The following TTLL7 variants were observed in gnomAD, a reference collection of about 807,000 sequenced individuals.
The protein encoded by TTLL7 is tubulin polyglutamylase TTLL7.
In TTLL7, 53 loss-of-function variants were observed where a neutral mutation model predicts 120.2. That is an observed-to-expected ratio of 0.44 (90% CI 0.35 to 0.55). The LOEUF is 0.55. Ranked by LOEUF, TTLL7 falls within the 20% of genes least tolerant of loss-of-function variation. TTLL7 has a pLI of 0.00. For synonymous variants in TTLL7, 353 were observed against 351.7 expected (o/e 1.00, Z -0.04); for missense variants, 803 against 1,054.7 (o/e 0.76, Z 3.31).
intron 1 of TTLL7, among the ~76,000 whole-genome samples, chr1:83,987,666 C>T (rs924346226): frequency 2.0e-5 from 3 of 152,118 alleles, no homozygotes; most frequent in Non-Finnish European, 2.9e-5. Context: ...AAATGCTACA[C>T]AAGCAACAAA....
chr1:83,942,480 G>C lies in TTLL7; in HGVS notation c.706C>G (p.Pro236Ala), dbSNP rs1359729833. Residue 236 changes from proline to alanine, a missense_variant, in exon 7 of 21, where the codon CCT becomes GCT. Pro to Ala is a conservative substitution (Grantham distance 27). Around this residue, in one of 3 missense-constraint regions of TTLL7, gnomAD observed 324 missense variants for 507.7 expected, o/e 0.64. Coordinates refer to ENST00000260505, the MANE Select transcript of TTLL7 (RefSeq NM_024686.6). Reference protein sequence around the residue: ...VRMGTEKYIPPNESNLTQLYM... With the variant: ...VRMGTEKYIPANESNLTQLYM... The stretch of plus-strand genomic sequence containing the variant: ...TCACTTACCAAATTGGACTCATTAG[G>C]TGGAATGTACTTCTCTGTACCCATT... 1 of 1,613,672 alleles carries C rather than the reference G, an allele frequency of 6.2e-7. No individual in the cohort carries two copies. Among genetic ancestry groups the C allele is most frequent in the Admixed American group, 1.7e-5 (1 of 60,010 alleles).
In TTLL7 at chr1:83,901,598, C is replaced by G. The variant is rs187514332; in HGVS notation, c.2208+2481G>C. On this transcript the variant is annotated intron_variant, in intron 18 of 20. Transcript: ENST00000260505. ...AATTCCATATTTCCATTAATCGAAG[C>G]CAAAGTCAGCGACTTGAAAACATAT... 1.0e-3 allele frequency among the ~76,000 whole-genome samples: 155 copies of G among 152,024 alleles called. 1 individual carries two copies. The highest frequency in any genetic ancestry group is 1.4e-3 in the Admixed American group (21 of 15,244).
At chr1:83,951,376 G>C (rs1196514797) in intron 3 of TTLL7, among the ~76,000 whole-genome samples, 1 of 151,838 alleles carries the variant, frequency 6.6e-6, no homozygotes, top group Non-Finnish European at 1.5e-5. Flanking sequence ...AATGTAATGT[G>C]TTACTTAAAT....
intron 9 of TTLL7, among the ~76,000 whole-genome samples, chr1:83,932,441 T>G (rs1035363616): frequency 1.3e-5 from 2 of 152,136 alleles, no homozygotes; most frequent in Non-Finnish European, 2.9e-5. Flanking sequence ...TAAAACTTCC[T>G]CACATTTATC....
intron 1 of TTLL7, among the ~76,000 whole-genome samples, chr1:83,986,588 T>C (rs1362116543): frequency 1.3e-5 from 2 of 152,224 alleles, no homozygotes; most frequent in Non-Finnish European, 2.9e-5. Context: ...CTCACGCCTG[T>C]AATCCCAGCT....
chr1:83,924,441 T>A (rs1434198976), intron 10 of TTLL7, among the ~76,000 whole-genome samples: 1 of 152,180 alleles, frequency 6.6e-6, no homozygotes, highest in African/African-American at 2.4e-5. Context: ...GAAAACATTA[T>A]CCCAGTTACT....
At chr1:83,983,068 A>G (rs533401320) in intron 1 of TTLL7, among the ~76,000 whole-genome samples, 43 of 152,334 alleles carry the variant, frequency 2.8e-4, no homozygotes, top group African/African-American at 9.6e-4. Flanking sequence ...ATAAGGGCTC[A>G]CACCTGTAAT....
At chr1:83,937,028 CAG>C (rs1324758578) in intron 8 of TTLL7, among the ~76,000 whole-genome samples, 1 of 152,086 alleles carries the variant, frequency 6.6e-6, no homozygotes, top group Non-Finnish European at 1.5e-5. Context: ...TGTCAACAAA[CAG>C]AATAAACAAA....
At chr1:83,969,054 T>C (rs1055325457) in intron 1 of TTLL7, among the ~76,000 whole-genome samples, 6 of 152,068 alleles carry the variant, frequency 3.9e-5, no homozygotes, top group Non-Finnish European at 8.8e-5. Flanking sequence ...CTCAATTTCA[T>C]TTACAGTTAT....
chr1:83,989,719 T>C (rs929454773), intron 1 of TTLL7, among the ~76,000 whole-genome samples: 1 of 152,210 alleles, frequency 6.6e-6, no homozygotes, highest in Non-Finnish European at 1.5e-5. Context: ...AAAATGACTT[T>C]GGTAGCTTGA....
chr1:83,977,125 T>G (rs1651560269), intron 1 of TTLL7, among the ~76,000 whole-genome samples: 1 of 152,074 alleles, frequency 6.6e-6, no homozygotes. Flanking sequence ...GCAAAAGTTC[T>G]GTATTATCAC....
At chr1:83,987,344 T>C (rs1300576888) in intron 1 of TTLL7, among the ~76,000 whole-genome samples, 1 of 152,038 alleles carries the variant, frequency 6.6e-6, no homozygotes, top group Admixed American at 6.5e-5. Context: ...GCCATGTCCA[T>C]GGATTGAAAG....
In TTLL7 at chr1:83,958,679, C is replaced by A. The variant is rs79191907; in HGVS notation, c.-176-6292G>T. Among the ~76,000 whole-genome samples the A allele has an allele frequency of 8.6e-3, 1,311 of 152,134 alleles. 16 individuals are homozygous for A. The highest frequency in any genetic ancestry group is 0.03 in the African/African-American group (1,234 of 41,488). Reference sequence around the variant, plus strand: ...TCTCTTATATGAAATCATGCTTTTTCTCATATGAAAGAGAATAAAAGTAAA... The same window carrying A: ...TCTCTTATATGAAATCATGCTTTTTATCATATGAAAGAGAATAAAAGTAAA... On this transcript the variant is annotated intron_variant, in intron 1 of 20. Coordinates refer to ENST00000260505, the MANE Select transcript of TTLL7 (RefSeq NM_024686.6).
chr1:83,990,203 C>G (rs1318152488), intron 1 of TTLL7, among the ~76,000 whole-genome samples: 1 of 133,640 alleles, frequency 7.5e-6, no homozygotes, highest in Admixed American at 8.7e-5. Flanking sequence ...GAGTCTCGCT[C>G]TGTCGCCCAG....
chr1:83,941,557 T>A (rs1246174209), intron 7 of TTLL7, among the ~76,000 whole-genome samples: 1 of 152,180 alleles, frequency 6.6e-6, no homozygotes, highest in Non-Finnish European at 1.5e-5. Flanking sequence ...TATTTAATGT[T>A]GAAAAAATGA....
intron 11 of TTLL7, 27 bp downstream of exon 11, chr1:83,921,220 G>A (rs1297893363): frequency 2.5e-6 from 4 of 1,610,440 alleles, no homozygotes. Context: ...AATTTAAATT[G>A]TGGGTACTTT....
At chr1:83,937,778 C>A in intron 8 of TTLL7, 74 bp downstream of exon 8, 1 of 1,561,630 alleles carries the variant, frequency 6.4e-7, no homozygotes, top group Admixed American at 1.7e-5. Context: ...TCTTAATGAA[C>A]TTTCATGGCC....
chr1:83,914,323 C>CT (rs1171299360), intron 14 of TTLL7, among the ~76,000 whole-genome samples: 16,469 of 78,144 alleles, frequency 0.21, 3,382 homozygotes, highest in Admixed American at 0.26. Flanking sequence ...CTCTCTCTCT[C>CT]TTTTTTTTTT....
Position 83,902,838 on chromosome 1 carries a change from A to T in TTLL7, c.2208+1241T>A, listed in dbSNP as rs577070591. 4.6e-4 allele frequency among the ~76,000 whole-genome samples: 70 copies of T among 152,092 alleles called. 1 individual carries two copies. Among genetic ancestry groups the T allele is most frequent in the Admixed American group, 3.4e-3 (52 of 15,242 alleles). ...TTGGATGTCCAATCAATATATCAACATCAACATGGTCAAAATAAAAATAAA... is the reference window on the plus strand; with the variant it reads ...TTGGATGTCCAATCAATATATCAACTTCAACATGGTCAAAATAAAAATAAA... On this transcript the variant is annotated intron_variant, in intron 18 of 20. Transcript: ENST00000260505.
Sources: gnomAD v4.1 joint callset for allele counts (sites outside exome capture counted in the v4.1 genomes callset) on GRCh38, gnomAD v4.1.1 for gene constraint, gnomAD v4.1.1 regional missense constraint, MANE v1.5 for transcripts, NCBI Gene and HGNC (gene_info 2026-07-23, HGNC 2026-07-21) for gene names.